The following GAS7 variants were observed in gnomAD, a reference collection of about 807,000 sequenced individuals.
GAS7 encodes growth arrest specific 7.
Under a neutral mutation model 71.1 loss-of-function variants are expected in GAS7, and 28 were observed. That is an observed-to-expected ratio of 0.39 (90% CI 0.29 to 0.54). The LOEUF (loss-of-function observed/expected upper bound fraction) is 0.54. Among genes scored for constraint, GAS7 ranks in the 20% least tolerant of loss-of-function variants. The probability of loss-of-function intolerance (pLI) is 0.62; values close to 1 mark genes in which losing one functional copy is unlikely to be tolerated. For synonymous variants in GAS7, 258 were observed against 245.8 expected (o/e 1.05, Z -0.46); for missense variants, 436 against 627.8 (o/e 0.69, Z 3.27).
At chr17:10,124,654 G>A (rs890257576) in intron 1 of GAS7, among the ~76,000 whole-genome samples, 2 of 152,190 alleles carry the variant, frequency 1.3e-5, no homozygotes, top group Non-Finnish European at 2.9e-5. Flanking sequence ...AGTGGCTCAC[G>A]CCTGTAATCC....
chr17:9,912,079 T>C lies in GAS7; in HGVS notation c.*5149A>G, dbSNP rs181596469. 5.0e-4 allele frequency: 115 copies of C among 231,992 alleles called. No homozygotes were observed. Among genetic ancestry groups the C allele is most frequent in the African/African-American group, 2.5e-3 (113 of 45,394 alleles). 14.4% of individuals were successfully genotyped at this position (231,992 alleles called of 1,614,324 possible). On this transcript the variant is annotated 3_prime_UTR_variant, in exon 14 of 14. Transcript: ENST00000432992. ...CTCCTGGGGAGTAGACTCCAGAACA[T>C]ACTATCAAAGATCGACGAATGAGAT...
intron 6 of GAS7, among the ~76,000 whole-genome samples, chr17:9,945,617 C>T (rs1328882618): frequency 1.3e-5 from 2 of 151,348 alleles, no homozygotes; most frequent in African/African-American, 2.4e-5. Context: ...AAGGTACAAG[C>T]GATTTTGTAG....
chr17:10,063,566 C>A (rs1252426491), intron 1 of GAS7, among the ~76,000 whole-genome samples: 1 of 152,164 alleles, frequency 6.6e-6, no homozygotes, highest in Non-Finnish European at 1.5e-5. Context: ...CGGCAGTTTG[C>A]CCCAGGCAAA....
chr17:10,136,781 A>G (rs921892367), intron 1 of GAS7, among the ~76,000 whole-genome samples: 3 of 152,106 alleles, frequency 2.0e-5, no homozygotes, highest in African/African-American at 4.8e-5. Context: ...AAACAGTGGG[A>G]GGGACACAAA....
At chr17:10,003,671 A>C (rs979544427) in intron 2 of GAS7, among the ~76,000 whole-genome samples, 6 of 152,348 alleles carry the variant, frequency 3.9e-5, no homozygotes, top group Admixed American at 2.0e-4. Context: ...GCTTCATGCC[A>C]CAGAAATATC....
In GAS7 at chr17:10,086,422, CCTT is replaced by C. The variant is rs546612036; in HGVS notation, c.184-66528_184-66526del. 5.1e-3 allele frequency among the ~76,000 whole-genome samples: 783 copies of C among 152,272 alleles called. 6 individuals are homozygous for C. Among genetic ancestry groups the C allele is most frequent in the African/African-American group, 0.016 (648 of 41,558 alleles). On this transcript the variant is annotated intron_variant, in intron 1 of 13. Transcript: ENST00000432992. Reference sequence around the variant, plus strand: ...AACTCTGAAGGCCAGGATTATGTCTCCTTCATTTTCACCCGGCATTCCCGATCC... The same window carrying C: ...AACTCTGAAGGCCAGGATTATGTCTCCATTTTCACCCGGCATTCCCGATCC...
rs545788209 is a variant in GAS7 at position 9,970,475 on chromosome 17, C to CA, written c.386-714dup. Among the ~76,000 whole-genome samples, 1,446 of 151,790 alleles carry CA rather than the reference C, an allele frequency of 9.5e-3. 29 individuals are homozygous for CA. The highest frequency in any genetic ancestry group is 0.033 in the African/African-American group (1,351 of 41,400). ...TGAAACCCTGTCTCTACTAAAAATA[C>CA]AAAAAAATTAGCCAGGCGTGGTGGC... On this transcript the variant is annotated intron_variant, in intron 3 of 13. Coordinates refer to ENST00000432992, the MANE Select transcript of GAS7 (RefSeq NM_201433.2).
At chr17:10,171,344 C>T (rs1489569634) in intron 1 of GAS7, among the ~76,000 whole-genome samples, 1 of 152,178 alleles carries the variant, frequency 6.6e-6, no homozygotes, top group African/African-American at 2.4e-5. Context: ...GAACCCAGAA[C>T]CCCATTCACA....
At chr17:10,170,708 T>C (rs543375560) in intron 1 of GAS7, among the ~76,000 whole-genome samples, 3 of 152,362 alleles carry the variant, frequency 2.0e-5, no homozygotes, top group Admixed American at 6.5e-5. Flanking sequence ...CATCTCCTAC[T>C]TTCCAGGTTG....
intron 1 of GAS7, among the ~76,000 whole-genome samples, chr17:10,101,590 T>C (rs941769534): frequency 1.3e-5 from 2 of 152,162 alleles, no homozygotes; most frequent in African/African-American, 4.8e-5. Flanking sequence ...GCCTGTGGGC[T>C]TTTCATTCAT....
intron 1 of GAS7, among the ~76,000 whole-genome samples, chr17:10,099,478 C>T (rs534185698): frequency 7.0e-4 from 107 of 152,284 alleles, no homozygotes; most frequent in African/African-American, 2.4e-3. Context: ...CTTTCCACCG[C>T]CCTGGAGTGG....
intron 2 of GAS7, among the ~76,000 whole-genome samples, chr17:10,007,625 CAAAAAAAAA>C (rs201254619): frequency 4.3e-5 from 2 of 46,600 alleles, no homozygotes; most frequent in Non-Finnish European, 9.1e-5. Flanking sequence ...GATTCTGTCT[CAAAAAAAAA>C]AAAAAAAAAA....
At chr17:10,042,065 G>GA (rs1164336605) in intron 1 of GAS7, among the ~76,000 whole-genome samples, 3 of 152,154 alleles carry the variant, frequency 2.0e-5, no homozygotes, top group African/African-American at 7.2e-5. Flanking sequence ...GGGAAGCCAA[G>GA]ACGGGCAGAT....
chr17:10,166,728 C>T (rs1597831054), intron 1 of GAS7, among the ~76,000 whole-genome samples: 1 of 152,266 alleles, frequency 6.6e-6, no homozygotes, highest in East Asian at 1.9e-4. Context: ...CCCTATTCTG[C>T]TTAGTCAGTG....
chr17:10,184,837 T>C (rs1367199318), intron 1 of GAS7, among the ~76,000 whole-genome samples: 1 of 151,992 alleles, frequency 6.6e-6, no homozygotes, highest in Non-Finnish European at 1.5e-5. Context: ...TATTAGAGGA[T>C]TAGAGGGTTG....
At chr17:10,043,070 T>C (rs1350363367) in intron 1 of GAS7, among the ~76,000 whole-genome samples, 1 of 152,134 alleles carries the variant, frequency 6.6e-6, no homozygotes, top group African/African-American at 2.4e-5. Flanking sequence ...TCCTACAGGC[T>C]GACAAGGAGT....
At chr17:9,957,102 C>T (rs2069273032) in intron 5 of GAS7, among the ~76,000 whole-genome samples, 1 of 144,544 alleles carries the variant, frequency 6.9e-6, no homozygotes, top group African/African-American at 2.5e-5. Context: ...TGGCCAGTCG[C>T]TCCTTTGCTC....
In GAS7 at chr17:9,959,161, C is replaced by G. The variant is rs773720216; in HGVS notation, c.525+41G>C. Reference sequence around the variant, plus strand: ...GCAACAGCCCAGCCAAATGCCCCAGCTCGCAGCCCACCCTGAGGGCGCCCC... The same window carrying G: ...GCAACAGCCCAGCCAAATGCCCCAGGTCGCAGCCCACCCTGAGGGCGCCCC... On this transcript the variant is annotated intron_variant, in intron 5 of 13. Transcript: ENST00000432992. The surrounding 1 kb of genome is among the most constrained non-coding windows in gnomAD (Gnocchi z 5.0). The G allele has an allele frequency of 6.9e-6, 11 of 1,605,276 alleles. No homozygotes were observed. In the South Asian group the frequency reaches 1.2e-4, roughly 18 times the overall value.
rs149117875 is a variant in GAS7, at chr17:9,995,430, C to G, written c.305-13546G>C. ...GGGGCCAGGGAGACAGATAAAGCCT[C>G]TATTCCCTTTGTGTGGTATGAACTA... On this transcript the variant is annotated intron_variant, in intron 2 of 13. Coordinates refer to ENST00000432992, the MANE Select transcript of GAS7 (RefSeq NM_201433.2). 1.1e-3 allele frequency among the ~76,000 whole-genome samples: 171 copies of G among 152,116 alleles called. 1 individual carries two copies. In the East Asian group the frequency reaches 0.031, roughly 27 times the overall value.
Sources: gnomAD v4.1 joint callset for allele counts (sites outside exome capture counted in the v4.1 genomes callset) on GRCh38, gnomAD v4.1.1 for gene constraint, Gnocchi (gnomAD v3.1) non-coding constraint, MANE v1.5 for transcripts, NCBI Gene and HGNC (gene_info 2026-07-23, HGNC 2026-07-21) for gene names.